CSMD3: variants seen among roughly 807,000 people sequenced by gnomAD.
The protein encoded by CSMD3 is CUB and sushi domain-containing protein 3.
Under a neutral mutation model 435.2 loss-of-function variants are expected in CSMD3, and 177 were observed. The observed-to-expected ratio is 0.41, with a 90% CI of 0.36 to 0.46. CSMD3 has a LOEUF of 0.46. CSMD3 is among the 20% of genes least tolerant of loss of function. The pLI is 0.34. For missense variants in CSMD3, 4,265 were observed against 4,504.6 expected (o/e 0.95, Z 1.52); for synonymous variants, 1,656 against 1,520.5 (o/e 1.09, Z -2.07).
At chr8:113,353,740 C>A (rs2094204308) in intron 1 of CSMD3, among the ~76,000 whole-genome samples, 1 of 152,114 alleles carries the variant, frequency 6.6e-6, no homozygotes, top group Non-Finnish European at 1.5e-5. Context: ...TTCACACTTA[C>A]TGAAGAGGAC....
intron 10 of CSMD3, among the ~76,000 whole-genome samples, chr8:112,877,154 A>C (rs1006365519): frequency 3.9e-5 from 6 of 152,182 alleles, no homozygotes; most frequent in African/African-American, 1.4e-4. Flanking sequence ...GGATAGGAAG[A>C]ATCAATATCG....
Position 112,359,209 on chromosome 8 carries a change from G to C in CSMD3, c.6137-6675C>G, listed in dbSNP as rs541234411. Among the ~76,000 whole-genome samples the C allele has an allele frequency of 3.3e-5, 5 of 152,206 alleles. No individual in the cohort carries two copies. The South Asian group carries it at 1.0e-3, about 32-fold the overall frequency. Reference sequence around the variant, plus strand: ...AGCAGCATTATACTGTATACATACGGATTTCATTTTTAAAAAGCATTGAAA... The same window carrying C: ...AGCAGCATTATACTGTATACATACGCATTTCATTTTTAAAAAGCATTGAAA... On this transcript the variant is annotated intron_variant, in intron 38 of 70. Transcript: ENST00000297405.
intron 10 of CSMD3, among the ~76,000 whole-genome samples, chr8:112,877,469 T>C (rs990431837): frequency 5.9e-5 from 9 of 151,994 alleles, no homozygotes; most frequent in Non-Finnish European, 1.2e-4. Context: ...GGTTTCACCA[T>C]GTTAGCCAAG....
At chr8:112,819,578 C>T (rs1468292264) in intron 12 of CSMD3, among the ~76,000 whole-genome samples, 1 of 152,160 alleles carries the variant, frequency 6.6e-6, no homozygotes, top group Non-Finnish European at 1.5e-5. Flanking sequence ...GAGGTGGGCC[C>T]AAGCCAAGTT....
intron 3 of CSMD3, among the ~76,000 whole-genome samples, chr8:113,199,818 T>C (rs571104027): frequency 2.0e-5 from 3 of 151,942 alleles, no homozygotes; most frequent in African/African-American, 4.8e-5. Context: ...ATGGAATACA[T>C]TAAAAAAATG....
chr8:112,727,712 T>C (rs1446140188), intron 13 of CSMD3, among the ~76,000 whole-genome samples: 2 of 151,850 alleles, frequency 1.3e-5, no homozygotes, highest in African/African-American at 4.8e-5. Flanking sequence ...ATTACTGTGA[T>C]CTAGGATTGA....
intron 61 of CSMD3, among the ~76,000 whole-genome samples, chr8:112,258,678 G>C (rs1011940499): frequency 2.0e-5 from 3 of 152,170 alleles, no homozygotes; most frequent in Non-Finnish European, 4.4e-5. Flanking sequence ...CACTGTTGGT[G>C]GGAATGTAAA....
At chr8:112,315,623 T>C (rs1292260079) in intron 47 of CSMD3, among the ~76,000 whole-genome samples, 1 of 151,868 alleles carries the variant, frequency 6.6e-6, no homozygotes, top group African/African-American at 2.4e-5. Flanking sequence ...AATAGTATAA[T>C]GGCCATAGTA....
intron 10 of CSMD3, among the ~76,000 whole-genome samples, chr8:112,897,597 T>A (rs968349072): frequency 1.3e-5 from 2 of 151,230 alleles, no homozygotes; most frequent in Non-Finnish European, 3.0e-5. Flanking sequence ...AACCTAAGTA[T>A]CAACAGGTTA....
chr8:113,426,002 A>C (rs2094634012), intron 1 of CSMD3, among the ~76,000 whole-genome samples: 1 of 151,490 alleles, frequency 6.6e-6, no homozygotes, highest in Admixed American at 6.6e-5. Flanking sequence ...CTGAGTAAAT[A>C]TTTTGTCTAG....
intron 27 of CSMD3, among the ~76,000 whole-genome samples, chr8:112,519,331 A>C (rs1395049973): frequency 6.6e-6 from 1 of 152,214 alleles, no homozygotes; most frequent in Middle Eastern, 3.2e-3. Flanking sequence ...ATAATATCAT[A>C]AAAGGAACAT....
At chr8:113,098,572 T>C (rs1269599888) in intron 5 of CSMD3, 184 bp downstream of exon 5, 3 of 592,664 alleles carry the variant, frequency 5.1e-6, no homozygotes, top group Non-Finnish European at 6.0e-6. Context: ...TTGAATTTCA[T>C]CTATTTTTTA....
intron 13 of CSMD3, among the ~76,000 whole-genome samples, chr8:112,799,461 A>T (rs2078909795): frequency 6.6e-6 from 1 of 151,934 alleles, no homozygotes; most frequent in East Asian, 1.9e-4. Flanking sequence ...TTTTGTTTTT[A>T]AAAAATAGAT....
intron 1 of CSMD3, among the ~76,000 whole-genome samples, chr8:113,429,524 C>T (rs1225154610): frequency 6.6e-6 from 1 of 151,922 alleles, no homozygotes; most frequent in Non-Finnish European, 1.5e-5. Flanking sequence ...ACTGAAGATA[C>T]AATTAGTTTA....
rs538969694 is a variant in CSMD3 at position 112,466,893 on chromosome 8, T to A, written c.5395+5698A>T. 1.3e-4 allele frequency among the ~76,000 whole-genome samples: 20 copies of A among 152,260 alleles called. No individual in the cohort carries two copies. The East Asian group carries it at 1.4e-3, about 10-fold the overall frequency. On this transcript the variant is annotated intron_variant, in intron 32 of 70. Coordinates refer to ENST00000297405, the MANE Select transcript of CSMD3 (RefSeq NM_198123.2). ...AATACTATAATAGAGCTATATTTTT[T>A]AAAAAATTATAATCTTATAATGTGA...
chr8:112,916,893 G>A (rs2082588446), intron 10 of CSMD3, among the ~76,000 whole-genome samples: 1 of 151,936 alleles, frequency 6.6e-6, no homozygotes, highest in African/African-American at 2.4e-5. Context: ...ACACTGAGAA[G>A]AGGAATAATA....
At chr8:112,298,329 G>GT (rs1820543524) in intron 53 of CSMD3, among the ~76,000 whole-genome samples, 1 of 152,122 alleles carries the variant, frequency 6.6e-6, no homozygotes, top group East Asian at 1.9e-4. Context: ...TTATTATGAA[G>GT]TTTTTTCAAT....
intron 3 of CSMD3, among the ~76,000 whole-genome samples, chr8:113,181,943 A>G: frequency 6.6e-6 from 1 of 152,060 alleles, no homozygotes; most frequent in Admixed American, 6.6e-5. Context: ...TTCTTTAAAA[A>G]GATGTGTTAA....
At chr8:113,141,501 T>G (rs1203587027) in intron 4 of CSMD3, among the ~76,000 whole-genome samples, 2 of 150,992 alleles carry the variant, frequency 1.3e-5, no homozygotes, top group African/African-American at 4.8e-5. Context: ...TGGAGCACAT[T>G]CTAGGCATAC....
Sources: allele counts gnomAD v4.1 joint callset (sites outside exome capture counted in the v4.1 genomes callset), GRCh38; gene constraint gnomAD v4.1.1; transcripts MANE v1.5; gene names NCBI Gene and HGNC (gene_info 2026-07-23, HGNC 2026-07-21).